RPS5: variants seen among roughly 807,000 people sequenced by gnomAD.
RPS5 encodes the protein ribosomal protein S5, also known as small ribosomal subunit protein uS7.
RPS5 carries 2 observed loss-of-function variants against 20.9 expected under a neutral mutation model. The ratio of observed to expected loss-of-function variants is 0.10; its 90% CI spans 0.04 to 0.30. The LOEUF (loss-of-function observed/expected upper bound fraction) is 0.30. Among genes scored for constraint, RPS5 ranks in the 10% least tolerant of loss-of-function variants. The probability of loss-of-function intolerance (pLI) is 1.00; values close to 1 mark genes in which losing one functional copy is unlikely to be tolerated. For synonymous variants in RPS5, 112 were observed against 105.8 expected, an observed-to-expected ratio of 1.06 and a Z score of -0.36; for missense variants, 122 against 287.2, an observed-to-expected ratio of 0.42 and a Z score of 4.16.
chr19:58,391,731 G>T (rs1193694796), intron 2 of RPS5, among the ~76,000 whole-genome samples: 1 of 151,976 alleles, frequency 6.6e-6, no homozygotes, highest in African/African-American at 2.4e-5. Context: ...TTCAAGACCA[G>T]CCTGGCCAAC....
intron 2 of RPS5, among the ~76,000 whole-genome samples, chr19:58,389,081 CA>C (rs2052347345): frequency 6.6e-6 from 1 of 152,140 alleles, no homozygotes; most frequent in African/African-American, 2.4e-5. Flanking sequence ...TACGGTTTTA[CA>C]CATACCCTTT....
chr19:58,392,139 CAG>C (rs2052367209), intron 2 of RPS5, among the ~76,000 whole-genome samples: 3 of 152,088 alleles, frequency 2.0e-5, no homozygotes, highest in Admixed American at 6.5e-5. Flanking sequence ...CTGCTCAAAA[CAG>C]TGAAACCCCT....
intron 2 of RPS5, among the ~76,000 whole-genome samples, chr19:58,388,799 T>A (rs866789092): frequency 1.9e-4 from 29 of 152,148 alleles, no homozygotes; most frequent in South Asian, 1.0e-3. Context: ...TGATTTTTTT[T>A]TTTTTATTTT....
At chr19:58,393,511 G>T in intron 4 of RPS5, 24 bp downstream of exon 4, 1 of 1,597,758 alleles carries the variant, frequency 6.3e-7, no homozygotes, top group African/African-American at 1.3e-5. Context: ...TTATGCACGT[G>T]GCAGGGTGGA....
At chr19:58,394,069 A>G (rs1035080149) in intron 4 of RPS5, 1 of 185,640 alleles carries the variant, frequency 5.4e-6, no homozygotes, top group South Asian at 1.1e-4. Flanking sequence ...CCAAAGTGCT[A>G]GGATTACAGG....
At chr19:58,394,294 G>A in intron 4 of RPS5, 2 of 570,270 alleles carry the variant, frequency 3.5e-6, no homozygotes, top group African/African-American at 1.9e-5. Flanking sequence ...CACTGGGGAC[G>A]CAACTTCAGC....
At chr19:58,391,276 A>G (rs1267618991) in intron 2 of RPS5, among the ~76,000 whole-genome samples, 1 of 151,968 alleles carries the variant, frequency 6.6e-6, no homozygotes, top group Non-Finnish European at 1.5e-5. Flanking sequence ...TACTAAAAAT[A>G]CAAAAATTAG....
At chr19:58,392,328 G>GGT (rs2052368660) in intron 2 of RPS5, among the ~76,000 whole-genome samples, 1 of 148,774 alleles carries the variant, frequency 6.7e-6, no homozygotes, top group Admixed American at 6.7e-5. Flanking sequence ...CCTCAAGGGG[G>GGT]GGAAAAAAAA....
At chr19:58,393,227 T>C (rs2052375336) in intron 3 of RPS5, 42 bp downstream of exon 3, 1 of 1,612,826 alleles carries the variant, frequency 6.2e-7, no homozygotes, top group South Asian at 1.1e-5. Flanking sequence ...GTGCCCTCAG[T>C]ACACCCGAAA....
At chr19:58,391,060 T>C (rs945961212) in intron 2 of RPS5, among the ~76,000 whole-genome samples, 2 of 152,328 alleles carry the variant, frequency 1.3e-5, no homozygotes, top group African/African-American at 4.8e-5. Flanking sequence ...CCCCTTTACA[T>C]ACTCAAGGTT....
Position 58,388,255 on chromosome 19 carries a change from A to G in RPS5, c.108+10A>G. ...TGACATTTCCCTGCAGGTGAGGGGAACTTGGTGATTGGCCTTCCTGGCTGG... is the reference window on the plus strand; with the variant it reads ...TGACATTTCCCTGCAGGTGAGGGGAGCTTGGTGATTGGCCTTCCTGGCTGG... On this transcript the variant is annotated intron_variant, in intron 2 of 5. Coordinates refer to ENST00000196551, the MANE Select transcript of RPS5 (RefSeq NM_001009.4). 1.3e-6 allele frequency: 2 copies of G among 1,589,576 alleles called. No individual in the cohort carries two copies. Among genetic ancestry groups the G allele is most frequent in the Non-Finnish European group, 1.7e-6 (2 of 1,160,656 alleles).
intron 2 of RPS5, among the ~76,000 whole-genome samples, 176 bp from the exon 3 acceptor site, chr19:58,392,800 T>A (rs1170001385): frequency 1.3e-5 from 2 of 152,092 alleles, no homozygotes; most frequent in African/African-American, 4.8e-5. Context: ...CTGTTCAGGG[T>A]TTTTTTCCTC....
At chr19:58,392,090 G>A (rs542330045) in intron 2 of RPS5, among the ~76,000 whole-genome samples, 198 of 152,280 alleles carry the variant, frequency 1.3e-3, no homozygotes, top group Admixed American at 2.2e-3. Context: ...GGGAGCACAA[G>A]GCAGGCAGAT....
At chr19:58,388,639 T>G (rs2052343162) in intron 2 of RPS5, 1 of 110,664 alleles carries the variant, frequency 9.0e-6, no homozygotes, top group African/African-American at 1.2e-4. Flanking sequence ...GGCCGTAGTT[T>G]TTTTTTTTTT....
intron 3 of RPS5, 78 bp downstream of exon 3, chr19:58,393,263 A>G (rs2052375634): frequency 1.2e-6 from 2 of 1,611,002 alleles, no homozygotes; most frequent in African/African-American, 2.7e-5. Flanking sequence ...TGTCAGGCTT[A>G]TCCCCTGTGT....
At chr19:58,393,579 C>G in intron 4 of RPS5, 92 bp downstream of exon 4, 1 of 1,466,904 alleles carries the variant, frequency 6.8e-7, no homozygotes, top group Non-Finnish European at 9.2e-7. Context: ...TCTCTGTCTG[C>G]ATGTTTTACC....
chr19:58,387,863 G>A (rs1244464735), intron 1 of RPS5: 1 of 480,608 alleles, frequency 2.1e-6, no homozygotes, highest in East Asian at 3.8e-5. Flanking sequence ...TATGGCATCT[G>A]CTGAGCCATT....
chr19:58,393,884 G>A (rs1599935309), intron 4 of RPS5: 3 of 194,654 alleles, frequency 1.5e-5, no homozygotes, highest in South Asian at 2.8e-4. Flanking sequence ...AGCAATAGTC[G>A]TTGTTCCATT....
chr19:58,392,207 C>G (rs12460623), intron 2 of RPS5, among the ~76,000 whole-genome samples: 54,420 of 151,838 alleles, frequency 0.36, 10,547 homozygotes, highest in East Asian at 0.52. Context: ...GCCTGTAATT[C>G]CAGCTACTCA....
Sources: gnomAD v4.1 joint callset for allele counts (sites outside exome capture counted in the v4.1 genomes callset) on GRCh38, gnomAD v4.1.1 for gene constraint, MANE v1.5 for transcripts, NCBI Gene and HGNC (gene_info 2026-07-23, HGNC 2026-07-21) for gene names.